Variants in TRRAP observed in about 807,000 individuals in gnomAD.
TRRAP encodes transformation/transcription domain-associated protein.
A neutral mutation model predicts 438.8 loss-of-function variants in TRRAP; 41 were observed. The ratio of observed to expected loss-of-function variants is 0.09; its 90% CI spans 0.07 to 0.12. The LOEUF (loss-of-function observed/expected upper bound fraction) is 0.12, where lower values mean the gene tolerates loss of function less well. Ranked by LOEUF, TRRAP falls within the 10% of genes least tolerant of loss-of-function variation. The pLI is 1.00. For missense variants in TRRAP, 3,122 were observed against 5,055.1 expected, an observed-to-expected ratio of 0.62 and a Z score of 11.60; for synonymous variants, 1,994 against 1,962.9, an observed-to-expected ratio of 1.02 and a Z score of -0.42.
intron 33 of TRRAP, among the ~76,000 whole-genome samples, chr7:98,946,557 A>G (rs1053299199): frequency 6.0e-5 from 9 of 150,328 alleles, no homozygotes; most frequent in African/African-American, 2.0e-4. Context: ...CACACCACAC[A>G]TGCACACACA....
intron 7 of TRRAP, among the ~76,000 whole-genome samples, chr7:98,897,224 G>T (rs1450167613): frequency 6.6e-6 from 1 of 152,086 alleles, no homozygotes; most frequent in Non-Finnish European, 1.5e-5. Context: ...AACAGAGCGA[G>T]ACTCTGTCTC....
At chr7:98,997,483 C>CAAAAAAAAAAAAAAAAAAAAA (rs61132070) in intron 67 of TRRAP, among the ~76,000 whole-genome samples, 2 of 42,620 alleles carry the variant, frequency 4.7e-5, no homozygotes, top group African/African-American at 1.7e-4. Context: ...ACTGCTGTTG[C>CAAAAAAAAAAAAAAAAAAAAA]AAAAAAAAAA....
chr7:98,889,804 C>T (rs781893023), intron 3 of TRRAP, among the ~76,000 whole-genome samples: 1 of 152,142 alleles, frequency 6.6e-6, no homozygotes, highest in Non-Finnish European at 1.5e-5. Flanking sequence ...ATCCTCCTGC[C>T]TCGGCCTCCC....
intron 28 of TRRAP, among the ~76,000 whole-genome samples, chr7:98,936,828 T>G (rs1554414365): frequency 6.6e-6 from 1 of 152,210 alleles, no homozygotes; most frequent in African/African-American, 2.4e-5. Context: ...TAGATTATAC[T>G]CAACATGTGG....
At chr7:99,003,668 T>C (rs1375330845) in intron 67 of TRRAP, among the ~76,000 whole-genome samples, 1 of 152,232 alleles carries the variant, frequency 6.6e-6, no homozygotes, top group Admixed American at 6.5e-5. Flanking sequence ...TCTCTTCCTC[T>C]TCCTCTCCAC....
At chr7:98,966,831 A>G (rs1792180468) in intron 49 of TRRAP, among the ~76,000 whole-genome samples, 1 of 152,224 alleles carries the variant, frequency 6.6e-6, no homozygotes, top group South Asian at 2.1e-4. Context: ...TATAATTTAC[A>G]GTTGCTTTCT....
intron 63 of TRRAP, among the ~76,000 whole-genome samples, chr7:98,989,727 T>C (rs1793306289): frequency 1.3e-5 from 2 of 152,248 alleles, no homozygotes; most frequent in Admixed American, 1.3e-4. Context: ...CAGTCGTCCA[T>C]GGACACCTGG....
intron 58 of TRRAP, 63 bp downstream of exon 58, chr7:98,978,967 C>G (rs1792789668): frequency 3.1e-6 from 5 of 1,597,734 alleles, no homozygotes; most frequent in South Asian, 2.2e-5. Context: ...CTGCAGGTGT[C>G]TCTTGGGAGA....
intron 67 of TRRAP, among the ~76,000 whole-genome samples, chr7:99,002,064 A>G (rs900553157): frequency 6.8e-6 from 1 of 147,932 alleles, no homozygotes; most frequent in Admixed American, 6.9e-5. Flanking sequence ...GTGAAATACC[A>G]CAGTGGAGAC....
intron 16 of TRRAP, 149 bp downstream of exon 16, chr7:98,910,756 G>A (rs782545166): frequency 2.8e-6 from 2 of 702,190 alleles, no homozygotes; most frequent in Non-Finnish European, 4.6e-6. Context: ...CCACAACATA[G>A]CACTGCGTTT....
At chr7:98,918,984 CAAAAAAA>C (rs782343068) in intron 20 of TRRAP, among the ~76,000 whole-genome samples, 4 of 73,584 alleles carry the variant, frequency 5.4e-5, no homozygotes, top group Admixed American at 1.5e-4. Context: ...TAAACTGTCT[CAAAAAAA>C]AAAAAAAAAG....
At position 99,005,701 on chromosome 7, in the gene TRRAP, T is replaced by C. The variant is rs1794132308; in HGVS notation, c.10753+353T>C. 6.6e-6 allele frequency among the ~76,000 whole-genome samples: 1 copy of C among 152,202 alleles called. No individual in the cohort carries two copies. The highest frequency in any genetic ancestry group is 2.4e-5 in the African/African-American group (1 of 41,452). On this transcript the variant is annotated intron_variant, in intron 69 of 72. Coordinates refer to ENST00000456197, the MANE Select transcript of TRRAP (RefSeq NM_001375524.1). The surrounding 1 kb of genome is among the most constrained non-coding windows in gnomAD (Gnocchi z 5.1). Reference sequence around the variant, plus strand: ...TCTTTTTCTTTTTTTTTTTCTTTTTTAGCTCATCACCTGTCGTGTCAGTGT... The same window carrying C: ...TCTTTTTCTTTTTTTTTTTCTTTTTCAGCTCATCACCTGTCGTGTCAGTGT...
At chr7:98,966,393 C>G (rs1391405296) in intron 49 of TRRAP, among the ~76,000 whole-genome samples, 1 of 151,844 alleles carries the variant, frequency 6.6e-6, no homozygotes, top group Non-Finnish European at 1.5e-5. Context: ...TGTGGCTTTG[C>G]TCCTCTTAAA....
At chr7:98,995,266 G>A (rs1044292361) in intron 67 of TRRAP, among the ~76,000 whole-genome samples, 2 of 150,250 alleles carry the variant, frequency 1.3e-5, no homozygotes, top group African/African-American at 4.9e-5. Context: ...GTAGGAGATG[G>A]CACCAGGTGG....
intron 43 of TRRAP, among the ~76,000 whole-genome samples, chr7:98,957,683 T>C (rs1031815841): frequency 1.2e-4 from 18 of 152,214 alleles, no homozygotes; most frequent in Non-Finnish European, 2.6e-4. Context: ...GTCTCTCTTC[T>C]TTTTTCTCAT....
At position 98,953,450 on chromosome 7, in the gene TRRAP, T is replaced by G. The variant is rs782572469; in HGVS notation, c.5730+17T>G. On this transcript the variant is annotated intron_variant, in intron 40 of 72. Transcript: ENST00000456197. ...GTCCTGCAGGTATTTTGCAAGCCCCTCCTGTCCGCCGACATCAGCGTGAAT... is the reference window on the plus strand; with the variant it reads ...GTCCTGCAGGTATTTTGCAAGCCCCGCCTGTCCGCCGACATCAGCGTGAAT... 3 of 1,603,370 alleles carry G rather than the reference T, an allele frequency of 1.9e-6. No homozygotes were observed. Among genetic ancestry groups the G allele is most frequent in the South Asian group, 2.2e-5 (2 of 91,032 alleles).
At chr7:98,992,420 A>G (rs1251963287) in intron 65 of TRRAP, among the ~76,000 whole-genome samples, 193 bp downstream of exon 65, 1 of 152,228 alleles carries the variant, frequency 6.6e-6, no homozygotes, top group East Asian at 1.9e-4. Context: ...TTTTGCCAGG[A>G]TGTAATAAGC....
chr7:98,959,936 T>TAAAAAAAAAAAAAAAAAA (rs780800568), intron 45 of TRRAP, among the ~76,000 whole-genome samples: 1 of 112,710 alleles, frequency 8.9e-6, no homozygotes, highest in African/African-American at 3.8e-5. Context: ...CCTGGTCTCT[T>TAAAAAAAAAAAAAAAAAA]AAAAAAAAAA....
Position 98,930,822 on chromosome 7 carries a change from A to C in TRRAP, c.3583A>C (p.Thr1195Pro). 6.2e-7 allele frequency: 1 copy of C among 1,614,242 alleles called. No individual in the cohort carries two copies. The highest frequency in any genetic ancestry group is 8.5e-7 in the Non-Finnish European group (1 of 1,180,044). Residue 1195 changes from threonine to proline, a missense_variant, in exon 25 of 73, where the codon ACT (threonine) becomes CCT (proline). Around this residue, in one of 24 missense-constraint regions of TRRAP, gnomAD observed 153 missense variants for 223.0 expected, o/e 0.69. Coordinates refer to ENST00000456197, the MANE Select transcript of TRRAP (RefSeq NM_001375524.1). Reference protein sequence around the residue: ...KALLFVMMDLTGEVSNGAVAM... With the variant: ...KALLFVMMDLPGEVSNGAVAM... ...ACTTCTCTTTGTCATGATGGACTTA[A>C]CTGGAGAGGTAGGTGATGGGTGGCC...
Sources: gnomAD v4.1 joint callset for allele counts (sites outside exome capture counted in the v4.1 genomes callset) on GRCh38, gnomAD v4.1.1 for gene constraint, gnomAD v4.1.1 regional missense constraint, Gnocchi (gnomAD v3.1) non-coding constraint, MANE v1.5 for transcripts, NCBI Gene and HGNC (gene_info 2026-07-23, HGNC 2026-07-21) for gene names.